TRIM33: variants seen among roughly 807,000 people sequenced by gnomAD.
TRIM33 encodes the protein E3 ubiquitin-protein ligase TRIM33.
In TRIM33, 20 loss-of-function variants were observed where a neutral mutation model predicts 125.4. The observed-to-expected ratio is 0.16, with a 90% CI of 0.11 to 0.23. The LOEUF is 0.23. TRIM33 is among the 10% of genes least tolerant of loss of function. The pLI is 1.00. For missense variants in TRIM33, 920 were observed against 1,411.4 expected, an observed-to-expected ratio of 0.65 and a Z score of 5.58; for synonymous variants, 564 against 513.9, an observed-to-expected ratio of 1.10 and a Z score of -1.32.
intron 10 of TRIM33, among the ~76,000 whole-genome samples, chr1:114,421,969 A>C (rs148170662): frequency 1.3e-5 from 2 of 152,350 alleles, no homozygotes; most frequent in Non-Finnish European, 2.9e-5. Context: ...TTCGGTCATT[A>C]TTCCTCTTCG....
At chr1:114,470,262 C>T (rs1391035848) in intron 1 of TRIM33, among the ~76,000 whole-genome samples, 1 of 152,176 alleles carries the variant, frequency 6.6e-6, no homozygotes, top group East Asian at 1.9e-4. Flanking sequence ...CCTGCATTAA[C>T]CAAATTAGTA....
intron 11 of TRIM33, among the ~76,000 whole-genome samples, chr1:114,411,006 TCTTATA>T (rs1245488392): frequency 6.6e-6 from 1 of 152,156 alleles, no homozygotes; most frequent in Non-Finnish European, 1.5e-5. Context: ...TTACCTTAAA[TCTTATA>T]CTATTTCATA....
intron 6 of TRIM33, among the ~76,000 whole-genome samples, chr1:114,428,977 T>C (rs775888639): frequency 6.6e-5 from 10 of 151,960 alleles, no homozygotes; most frequent in Non-Finnish European, 8.8e-5. Context: ...AAGCATCTTT[T>C]AATTCAGAAA....
chr1:114,405,348 C>T, intron 15 of TRIM33, 62 bp downstream of exon 15: 6 of 1,324,074 alleles, frequency 4.5e-6, no homozygotes, highest in Non-Finnish European at 3.2e-6. Flanking sequence ...CCTGAACATT[C>T]TTCTGTTATT....
At chr1:114,483,132 C>T (rs1198160066) in intron 1 of TRIM33, among the ~76,000 whole-genome samples, 1 of 152,070 alleles carries the variant, frequency 6.6e-6, no homozygotes, top group Admixed American at 6.6e-5. Flanking sequence ...CAGTGGGACC[C>T]TGTCTCTACA....
chr1:114,409,834 A>T (rs1210451611), intron 12 of TRIM33, among the ~76,000 whole-genome samples: 1 of 152,234 alleles, frequency 6.6e-6, no homozygotes, highest in Non-Finnish European at 1.5e-5. Context: ...TGAGAAAAGT[A>T]GATTATATTC....
chr1:114,477,039 G>T (rs1023055840), intron 1 of TRIM33, among the ~76,000 whole-genome samples: 6 of 152,068 alleles, frequency 3.9e-5, no homozygotes, highest in Non-Finnish European at 8.8e-5. Flanking sequence ...CCACTCCAGC[G>T]TATTGACTCT....
At chr1:114,440,006 G>A (rs920069601) in intron 4 of TRIM33, among the ~76,000 whole-genome samples, 4 of 152,116 alleles carry the variant, frequency 2.6e-5, no homozygotes, top group South Asian at 2.1e-4. Context: ...TTCACAGTCC[G>A]TCACCACAAA....
intron 6 of TRIM33, among the ~76,000 whole-genome samples, chr1:114,429,316 T>G (rs1312463643): frequency 1.3e-5 from 2 of 151,612 alleles, no homozygotes; most frequent in East Asian, 3.9e-4. Flanking sequence ...GCCTCCTGAG[T>G]AGCTGGGATT....
intron 11 of TRIM33, among the ~76,000 whole-genome samples, chr1:114,415,480 C>T (rs964975416): frequency 1.3e-5 from 2 of 152,150 alleles, no homozygotes; most frequent in African/African-American, 4.8e-5. Context: ...TTCTAACTAA[C>T]CTTGACTAGC....
At chr1:114,398,913 A>AC (rs1557839353) in intron 18 of TRIM33, among the ~76,000 whole-genome samples, 1 of 138,716 alleles carries the variant, frequency 7.2e-6, no homozygotes, top group Non-Finnish European at 1.6e-5. Context: ...AAAAAAAAAA[A>AC]AACAAAACAA....
chr1:114,399,437 T>C lies in TRIM33; in HGVS notation c.3120+20A>G, dbSNP rs779249493. ...CAAAAACTAACAAATCAAGACTCTA[T>C]AGGTTGGAAGTTAACATACTTCATT... On this transcript the variant is annotated intron_variant, in intron 18 of 19. Transcript: ENST00000358465. 8.7e-6 allele frequency: 14 copies of C among 1,606,674 alleles called. No individual in the cohort carries two copies. The highest frequency in any genetic ancestry group is 1.2e-5 in the Non-Finnish European group (14 of 1,175,844).
rs892987197 is a variant in TRIM33 at position 114,394,376 on chromosome 1, A to G, written c.*3272T>C. 4.5e-6 allele frequency: 1 copy of G among 224,560 alleles called. No homozygotes were observed. The allele number at this position is 224,560 out of a possible 1,614,324, so 13.9% of individuals were successfully genotyped here. On this transcript the variant is annotated 3_prime_UTR_variant, in exon 20 of 20. Coordinates refer to ENST00000358465, the MANE Select transcript of TRIM33 (RefSeq NM_015906.4). ...AATAACATACAGTAGGCCACAATCCAAGGGCATAGTTGGAAGACCTGAATC... is the reference window on the plus strand; with the variant it reads ...AATAACATACAGTAGGCCACAATCCGAGGGCATAGTTGGAAGACCTGAATC...
At chr1:114,427,604 G>A in intron 7 of TRIM33, 144 bp downstream of exon 7, 1 of 763,068 alleles carries the variant, frequency 1.3e-6, no homozygotes, top group Non-Finnish European at 2.0e-6. Context: ...GAAACTTTGG[G>A]GGGTGGTGGA....
intron 4 of TRIM33, among the ~76,000 whole-genome samples, chr1:114,450,627 A>G (rs1649254933): frequency 6.6e-6 from 1 of 152,162 alleles, no homozygotes. Context: ...TCCTGAGCTC[A>G]AGTGATCTGC....
At chr1:114,428,000 C>G in intron 6 of TRIM33, 106 bp from the exon 7 acceptor site, 1 of 1,154,048 alleles carries the variant, frequency 8.7e-7, no homozygotes, top group East Asian at 2.5e-5. Context: ...TAAAAATGGG[C>G]TAAGTGAATA....
At chr1:114,468,343 C>A in intron 1 of TRIM33, 1 of 283,842 alleles carries the variant, frequency 3.5e-6, no homozygotes, top group South Asian at 3.3e-5. Flanking sequence ...GATTTTTGAT[C>A]CTACTATGAC....
chr1:114,448,221 A>C lies in TRIM33; in HGVS notation c.924-14488T>G, dbSNP rs533861217. The stretch of plus-strand genomic sequence containing the variant: ...TATAAGTAGAGAAATTAGCTTTCTA[A>C]AGGAAGAGAGTTCATCTAAGATAAC... On this transcript the variant is annotated intron_variant, in intron 4 of 19. Coordinates refer to ENST00000358465, the MANE Select transcript of TRIM33 (RefSeq NM_015906.4). 5.9e-5 allele frequency among the ~76,000 whole-genome samples: 9 copies of C among 152,340 alleles called. No individual in the cohort carries two copies. The East Asian group carries it at 1.5e-3, about 26-fold the overall frequency.
Position 114,511,161 on chromosome 1 carries a change from C to G in TRIM33, c.-85G>C, listed in dbSNP as rs1653352667. On this transcript the variant is annotated 5_prime_UTR_variant, in exon 1 of 20. Coordinates refer to ENST00000358465, the MANE Select transcript of TRIM33 (RefSeq NM_015906.4). Reference sequence around the variant, plus strand: ...CCGCCGCCCCCAGCCCCAGCCGCAGCCGCAGCAAGAGCGGCAGCCGAGAGC... The same window carrying G: ...CCGCCGCCCCCAGCCCCAGCCGCAGGCGCAGCAAGAGCGGCAGCCGAGAGC... 2 of 1,051,256 alleles carry G rather than the reference C, an allele frequency of 1.9e-6. No individual in the cohort carries two copies. The highest frequency in any genetic ancestry group is 8.8e-5 in the South Asian group (2 of 22,744). 65.1% of individuals were successfully genotyped at this position (1,051,256 alleles called of 1,614,324 possible).
Sources: gnomAD v4.1 joint callset for allele counts (sites outside exome capture counted in the v4.1 genomes callset) on GRCh38, gnomAD v4.1.1 for gene constraint, MANE v1.5 for transcripts, NCBI Gene and HGNC (gene_info 2026-07-23, HGNC 2026-07-21) for gene names.